The following PIEZO2 variants were observed in gnomAD, a reference collection of about 807,000 sequenced individuals.
PIEZO2 encodes piezo-type mechanosensitive ion channel component 2.
Under a neutral mutation model 337.3 loss-of-function variants are expected in PIEZO2, and 172 were observed. The observed-to-expected ratio is 0.51, with a 90% confidence interval of 0.45 to 0.58. The LOEUF is 0.58. PIEZO2 is among the 20% of genes least tolerant of loss of function. PIEZO2 has a pLI of 0.00. For missense variants in PIEZO2, 3,028 were observed against 3,391.3 expected, an observed-to-expected ratio of 0.89 and a Z score of 2.66; for synonymous variants, 1,251 against 1,228.5, an observed-to-expected ratio of 1.02 and a Z score of -0.38.
Position 10,726,515 on chromosome 18 carries a change from T to G in PIEZO2, c.5029+4892A>C. ...GCTGCTCCGCAAGCAGCCGTTCCTG[T>G]GGCGCGCTGCGCTGCTCTGCTCTGC... On this transcript the variant is annotated intron_variant, in intron 36 of 55. Coordinates refer to ENST00000674853, the MANE Select transcript of PIEZO2 (RefSeq NM_001378183.1). This position sits in a 1 kb window ranked among gnomAD's most constrained non-coding sequence, Gnocchi z 5.9. 1 of 1,483,520 alleles carries G rather than the reference T, an allele frequency of 6.7e-7. No individual in the cohort carries two copies. The highest frequency in any genetic ancestry group is 8.9e-7 in the Non-Finnish European group (1 of 1,120,728). The allele number at this position is 1,483,520 out of a possible 1,614,324, so 91.9% of individuals were successfully genotyped here.
In PIEZO2 at chr18:11,015,124, A is replaced by G. The variant is rs572916592; in HGVS notation, c.161-35464T>C. On this transcript the variant is annotated intron_variant, in intron 2 of 55. Transcript: ENST00000674853. ...GGCCCCCCTCATTCCTCAGCGGGGAACATGTCACCCTGGGTGAGACAGCGA... is the reference window on the plus strand; with the variant it reads ...GGCCCCCCTCATTCCTCAGCGGGGAGCATGTCACCCTGGGTGAGACAGCGA... 3.9e-5 allele frequency among the ~76,000 whole-genome samples: 5 copies of G among 129,214 alleles called. No homozygotes were observed. The East Asian group carries it at 1.2e-3, about 31-fold the overall frequency. 84.8% of individuals were successfully genotyped at this position (129,214 alleles called of 152,430 possible).
chr18:11,022,717 T>C (rs1040153479), intron 2 of PIEZO2, among the ~76,000 whole-genome samples: 2 of 152,202 alleles, frequency 1.3e-5, no homozygotes, highest in Non-Finnish European at 2.9e-5. Flanking sequence ...CAGAATTCAG[T>C]TCGTAAAAAC....
At chr18:10,810,792 C>G (rs1026771958) in intron 7 of PIEZO2, among the ~76,000 whole-genome samples, 9 of 152,132 alleles carry the variant, frequency 5.9e-5, no homozygotes, top group African/African-American at 2.2e-4. Flanking sequence ...CAATGAAGAT[C>G]CAAGAAATAG....
chr18:11,006,901 TACATAATAGTTTG>T (rs2035745744), intron 2 of PIEZO2, among the ~76,000 whole-genome samples: 1 of 152,190 alleles, frequency 6.6e-6, no homozygotes, highest in Non-Finnish European at 1.5e-5. Flanking sequence ...TTATCATGGG[TACATAATAGTTTG>T]ACATTTTTAT....
At position 10,763,096 on chromosome 18, in the gene PIEZO2, C is replaced by T; in HGVS notation, c.2949G>A (p.Val983=). 2 of 1,536,204 alleles carry T rather than the reference C, an allele frequency of 1.3e-6. No homozygotes were observed. Among genetic ancestry groups the T allele is most frequent in the Non-Finnish European group, 1.7e-6 (2 of 1,146,572 alleles). The change falls in exon 22 of 56, where the codon GTG becomes GTA. Residue 983 remains valine, a splice_region_variant and synonymous_variant. Transcript: ENST00000674853. ...SYIIWVSVKE[V]SLFNYVFLIS... ...TCAAAAATACATAGTTGAACAGAGA[C>T]ACCTGAAAACGTAAAACCAGAAATG...
chr18:10,868,628 CTTA>C (rs1268692256), intron 5 of PIEZO2, among the ~76,000 whole-genome samples: 1 of 152,090 alleles, frequency 6.6e-6, no homozygotes, highest in Non-Finnish European at 1.5e-5. Context: ...ATCTGTCCAT[CTTA>C]TTGTTATCTT....
intron 1 of PIEZO2, among the ~76,000 whole-genome samples, chr18:11,134,975 T>C (rs1380703870): frequency 1.3e-5 from 2 of 151,502 alleles, no homozygotes; most frequent in Non-Finnish European, 2.9e-5. Context: ...CCCTCTAATA[T>C]TGACCCCCCA....
chr18:11,102,617 TC>T lies in PIEZO2; in HGVS notation c.65-36396del, dbSNP rs1208449108. ...CTTGGATCATCTCTGACACTTGCTC[TC>T]CCCTGGTGTCTTTGGAGCACCCCAC... is the stretch of plus-strand genomic sequence containing the variant. On this transcript the variant is annotated intron_variant, in intron 1 of 55. Coordinates refer to ENST00000674853, the MANE Select transcript of PIEZO2 (RefSeq NM_001378183.1). The surrounding 1 kb of genome is among the most constrained non-coding windows in gnomAD (Gnocchi z 5.7). Among the ~76,000 whole-genome samples, 1 of 152,226 alleles carries T rather than the reference TC, an allele frequency of 6.6e-6. No homozygotes were observed. The highest frequency in any genetic ancestry group is 1.5e-5 in the Non-Finnish European group (1 of 68,038).
In PIEZO2 at chr18:10,807,223, C is replaced by A; in HGVS notation, c.969G>T (p.Lys323Asn). 2 of 1,537,290 alleles carry A rather than the reference C, an allele frequency of 1.3e-6. No individual in the cohort carries two copies. Among genetic ancestry groups the A allele is most frequent in the Middle Eastern group, 1.7e-4 (1 of 5,990 alleles). The part of the protein sequence containing the change: ...VIQTDCSSTW[K>N]IIVNPDLSWY... ...ACGACAGGTCCGGGTTCACTATGATCTTCCAAGTACTTGAACAGTCCGTTT... is the reference window on the plus strand; with the variant it reads ...ACGACAGGTCCGGGTTCACTATGATATTCCAAGTACTTGAACAGTCCGTTT... Residue 323 changes from lysine (K) to asparagine (N), a missense_variant, in exon 8 of 56, where the codon AAG becomes AAT. By Grantham distance (94) the Lys-to-Asn change is moderately conservative. This residue lies in a region of PIEZO2 where 542 missense variants were observed against 605.6 expected (regional missense o/e 0.89). Transcript: ENST00000674853.
At chr18:10,671,830 TAAAG>T in intron 55 of PIEZO2, 51 bp from the exon 56 acceptor site, 3 of 1,443,702 alleles carry the variant, frequency 2.1e-6, no homozygotes, top group Non-Finnish European at 2.8e-6. Context: ...ATATAGTTAA[TAAAG>T]AAAAGCATGT....
chr18:10,751,737 C>A (rs1598432537), intron 28 of PIEZO2, among the ~76,000 whole-genome samples: 1 of 152,302 alleles, frequency 6.6e-6, no homozygotes, highest in East Asian at 1.9e-4. Context: ...GCCTGGGAGA[C>A]TGAGACGCAG....
chr18:11,116,549 TA>T lies in PIEZO2; in HGVS notation c.64+31975del, dbSNP rs1395029193. ...TAACACGGTGAAACCCCGTCTCTAC[TA>T]AAAAAAATTAAAAAATTAGCCGGGC... On this transcript the variant is annotated intron_variant, in intron 1 of 55. Coordinates refer to ENST00000674853, the MANE Select transcript of PIEZO2 (RefSeq NM_001378183.1). The surrounding 1 kb of genome is among the most constrained non-coding windows in gnomAD (Gnocchi z 5.0). Among the ~76,000 whole-genome samples the T allele has an allele frequency of 2.0e-5, 3 of 151,438 alleles. No individual in the cohort carries two copies. The highest frequency in any genetic ancestry group is 4.8e-5 in the African/African-American group (2 of 41,252).
intron 47 of PIEZO2, among the ~76,000 whole-genome samples, chr18:10,693,356 T>TTGTGTGTGTGTGTGGGTG (rs2034938481): frequency 2.2e-5 from 2 of 89,974 alleles, no homozygotes; most frequent in African/African-American, 7.1e-5. Flanking sequence ...AATCTGGATT[T>TTGTGTGTGTGTGTGGGTG]TGTGTGTGTG....
Position 10,704,414 on chromosome 18 carries a change from T to C in PIEZO2, c.6238A>G (p.Met2080Val), listed in dbSNP as rs2035477284. ...VPRPSRRFWMMAIVYTEVAIV... is the reference protein window; with the variant it reads ...VPRPSRRFWMVAIVYTEVAIV... ...CCTACCTCAGTATAGACGATGGCCATCATCCAGAACCGGCGGCTGGGCCTG... is the reference window on the plus strand; with the variant it reads ...CCTACCTCAGTATAGACGATGGCCACCATCCAGAACCGGCGGCTGGGCCTG... Residue 2080 changes from methionine (M) to valine (V), a missense_variant, in exon 42 of 56, where the codon ATG becomes GTG. By Grantham distance (21) the Met-to-Val change is conservative. Coordinates refer to ENST00000674853, the MANE Select transcript of PIEZO2 (RefSeq NM_001378183.1). 6.5e-7 allele frequency: 1 copy of C among 1,537,082 alleles called. No homozygotes were observed. The highest frequency in any genetic ancestry group is 8.7e-7 in the Non-Finnish European group (1 of 1,146,916).
chr18:10,741,654 A>G (rs1032839038), intron 32 of PIEZO2, among the ~76,000 whole-genome samples: 1 of 152,202 alleles, frequency 6.6e-6, no homozygotes, highest in Admixed American at 6.5e-5. Flanking sequence ...TTTAAACTTT[A>G]ATTTGATATA....
At chr18:10,951,862 C>T (rs1303691464) in intron 3 of PIEZO2, among the ~76,000 whole-genome samples, 1 of 152,008 alleles carries the variant, frequency 6.6e-6, no homozygotes, top group East Asian at 1.9e-4. Flanking sequence ...AAGAGTGTGC[C>T]AAAATATTCA....
intron 1 of PIEZO2, among the ~76,000 whole-genome samples, chr18:11,115,681 A>C (rs1167763482): frequency 4.6e-5 from 7 of 152,228 alleles, no homozygotes; most frequent in African/African-American, 1.7e-4. Flanking sequence ...TACTGCAAGA[A>C]GCATTCTATA....
rs1040156444 is a variant in PIEZO2 at position 10,726,342 on chromosome 18, C to G, written c.5029+5065G>C. 2.0e-6 allele frequency: 3 copies of G among 1,485,272 alleles called. No individual in the cohort carries two copies. The highest frequency in any genetic ancestry group is 2.1e-5 in the Admixed American group (1 of 48,072). The allele number at this position is 1,485,272 out of a possible 1,614,324, so 92.0% of individuals were successfully genotyped here. On this transcript the variant is annotated intron_variant, in intron 36 of 55. Coordinates refer to ENST00000674853, the MANE Select transcript of PIEZO2 (RefSeq NM_001378183.1). The surrounding 1 kb of genome is among the most constrained non-coding windows in gnomAD (Gnocchi z 5.9). Reference sequence around the variant, plus strand: ...GGGTCCCCGAACGCCCCGCCCAGCGCTGCCTCCCTTCGCCTTCCCCGCAGG... The same window carrying G: ...GGGTCCCCGAACGCCCCGCCCAGCGGTGCCTCCCTTCGCCTTCCCCGCAGG...
In PIEZO2 at chr18:10,821,490, T is replaced by G. The variant is rs2040519563; in HGVS notation, c.918-14216A>C. 6.6e-6 allele frequency among the ~76,000 whole-genome samples: 1 copy of G among 152,218 alleles called. No individual in the cohort carries two copies. Among genetic ancestry groups the G allele is most frequent in the South Asian group, 2.1e-4 (1 of 4,830 alleles). On this transcript the variant is annotated intron_variant, in intron 7 of 55. Transcript: ENST00000674853. The surrounding 1 kb of genome is among the most constrained non-coding windows in gnomAD (Gnocchi z 4.2). ...GAATGTTCTGATTAAAACAATATTT[T>G]TATCAAAGGCTTACTATATATAAAC... is the stretch of plus-strand genomic sequence containing the variant.
Sources: gnomAD v4.1 joint callset for allele counts (sites outside exome capture counted in the v4.1 genomes callset) on GRCh38, gnomAD v4.1.1 for gene constraint, gnomAD v4.1.1 regional missense constraint, Gnocchi (gnomAD v3.1) non-coding constraint, MANE v1.5 for transcripts, NCBI Gene and HGNC (gene_info 2026-07-23, HGNC 2026-07-21) for gene names.